FAM234A: variants seen among roughly 807,000 people sequenced by gnomAD.
FAM234A encodes family with sequence similarity 234 member A, also known as protein FAM234A.
In FAM234A, 42 loss-of-function variants were observed where a neutral mutation model predicts 49.1. That is an observed-to-expected ratio of 0.86 (90% CI 0.67 to 1.11). The LOEUF (loss-of-function observed/expected upper bound fraction) is 1.11, where lower values mean the gene tolerates loss of function less well. FAM234A is among the 50% of genes least tolerant of loss of function. The pLI is 0.00. For missense variants in FAM234A, 815 were observed against 745.2 expected, an observed-to-expected ratio of 1.09 and a Z score of -1.09; for synonymous variants, 369 against 316.2, an observed-to-expected ratio of 1.17 and a Z score of -1.77.
In FAM234A at chr16:254,673, G is replaced by A. The variant is rs754546742; in HGVS notation, c.260G>A (p.Ser87Asn). ...ASQRMWRIDY[S>N]AAVIYDFLAV... ...CAGCGAATGTGGAGGATAGACTACA[G>A]TGCCGCTGGTGAGCCTCGGCTTCCC... Residue 87 changes from serine (S) to asparagine (N), a missense_variant, in exon 3 of 13, where the codon AGT (serine) becomes AAT (asparagine). Physicochemically the swap from Ser to Asn is conservative, Grantham distance 46. Transcript: ENST00000399932. 9 of 1,613,110 alleles carry A rather than the reference G, an allele frequency of 5.6e-6. No individual in the cohort carries two copies. In the Admixed American group the frequency reaches 1.5e-4, roughly 27 times the overall value.
downstream of FAM234A, among the ~76,000 whole-genome samples, chr16:266,795 A>G (rs947334709): frequency 1.3e-5 from 2 of 152,088 alleles, no homozygotes; most frequent in Admixed American, 6.5e-5. Context: ...GGCTCTGCGG[A>G]CGCGTCCTAT....
At chr16:258,655 C>T (rs1436550328) in intron 3 of FAM234A, among the ~76,000 whole-genome samples, 8 of 152,228 alleles carry the variant, frequency 5.3e-5, no homozygotes, top group Admixed American at 3.3e-4. Context: ...GGCCCGTTCT[C>T]AATGAGCTGT....
At chr16:269,031 C>T, downstream of FAM234A, 1 of 1,272,154 alleles carries the variant, frequency 7.9e-7, no homozygotes, top group Non-Finnish European at 1.1e-6. Flanking sequence ...CTGACCCAAG[C>T]TGAGCCAATG....
intron 1 of FAM234A, among the ~76,000 whole-genome samples, chr16:241,188 G>A (rs955007196): frequency 9.2e-5 from 14 of 151,672 alleles, no homozygotes; most frequent in Non-Finnish European, 1.6e-4. Flanking sequence ...GTAGCCTCCC[G>A]AAGTTGCTGG....
At chr16:269,928 A>G, downstream of FAM234A, 1 of 243,078 alleles carries the variant, frequency 4.1e-6, no homozygotes, top group Non-Finnish European at 8.0e-6. Flanking sequence ...AAATAAAAAA[A>G]CAAGGTAGGC....
chr16:234,890 ACGCCGCAGGGG>A (rs1216645421), intron 1 of FAM234A, 33 bp downstream of exon 1: 1 of 152,256 alleles, frequency 6.6e-6, no homozygotes, highest in Non-Finnish European at 1.5e-5. Context: ...TCGCGCGTGC[ACGCCGCAGGGG>A]CGCCGCAGGC....
At chr16:264,774 C>G (rs1462616659) in intron 12 of FAM234A, 37 bp from the exon 13 acceptor site, 2 of 1,607,022 alleles carry the variant, frequency 1.2e-6, no homozygotes, top group Non-Finnish European at 1.7e-6. Flanking sequence ...CTGGCTGGTC[C>G]TGAGCCGCCC....
At chr16:257,322 T>C (rs922347686) in intron 3 of FAM234A, among the ~76,000 whole-genome samples, 9 of 138,384 alleles carry the variant, frequency 6.5e-5, no homozygotes, top group African/African-American at 2.4e-4. Context: ...CTCGGCTCAC[T>C]GCAACCTCCA....
rs1279045245 is a variant in FAM234A at position 262,146 on chromosome 16, C to T, written c.762C>T (p.Gly254=). 6.2e-7 allele frequency: 1 copy of T among 1,613,988 alleles called. No individual in the cohort carries two copies. The highest frequency in any genetic ancestry group is 8.5e-7 in the Non-Finnish European group (1 of 1,180,038). Residue 254 remains glycine, a synonymous_variant, in exon 7 of 13, where the codon GGC becomes GGT. Transcript: ENST00000399932. ...GSTGHQIGLR[G]SLGVDGESGF... ...CCGGGCACCAGATTGGCCTCAGAGGCAGCCTTGGTGTGGACGGGGAAAGTG... is the reference window on the plus strand; with the variant it reads ...CCGGGCACCAGATTGGCCTCAGAGGTAGCCTTGGTGTGGACGGGGAAAGTG...
At chr16:250,379 G>A (rs940864013) in intron 2 of FAM234A, among the ~76,000 whole-genome samples, 5 of 149,438 alleles carry the variant, frequency 3.3e-5, no homozygotes, top group Non-Finnish European at 7.4e-5. Context: ...TCTGTTGCTG[G>A]CTTTTTCCCT....
chr16:257,108 A>G (rs2051263584), intron 3 of FAM234A, among the ~76,000 whole-genome samples: 1 of 151,776 alleles, frequency 6.6e-6, no homozygotes, highest in African/African-American at 2.4e-5. Flanking sequence ...CAAACTCCTG[A>G]CCTCAAGTGA....
chr16:269,600 G>T, downstream of FAM234A: 2 of 1,602,154 alleles, frequency 1.2e-6, no homozygotes, highest in Non-Finnish European at 1.7e-6. Context: ...AAGAGACAGC[G>T]TCCAGCCCCT....
chr16:242,706 G>A (rs549251886), intron 1 of FAM234A, among the ~76,000 whole-genome samples: 3 of 149,926 alleles, frequency 2.0e-5, no homozygotes, highest in Non-Finnish European at 4.4e-5. Context: ...TCTGCCCCCC[G>A]GGTTCAAGCG....
At chr16:267,327 C>T (rs1360931128), downstream of FAM234A, among the ~76,000 whole-genome samples, 1 of 152,090 alleles carries the variant, frequency 6.6e-6, no homozygotes, top group Non-Finnish European at 1.5e-5. Context: ...CTCCCAAAGA[C>T]CAGATGCCCC....
chr16:264,525 T>C (rs967377056), intron 11 of FAM234A, 89 bp from the exon 12 acceptor site: 24 of 921,570 alleles, frequency 2.6e-5, no homozygotes, highest in Non-Finnish European at 4.0e-5. Context: ...CTAGCAGACA[T>C]AGAGCTCCAG....
intron 6 of FAM234A, among the ~76,000 whole-genome samples, 185 bp from the exon 7 acceptor site, chr16:261,908 C>T (rs930052400): frequency 1.3e-5 from 2 of 152,206 alleles, no homozygotes; most frequent in Non-Finnish European, 2.9e-5. Context: ...AACCAAGAGC[C>T]TGTGGGCCCC....
intron 3 of FAM234A, among the ~76,000 whole-genome samples, chr16:258,590 A>C (rs555101787): frequency 6.6e-6 from 1 of 152,156 alleles, no homozygotes; most frequent in African/African-American, 2.4e-5. Context: ...CGATTTCTCA[A>C]TCTTTTCCCC....
intron 1 of FAM234A, among the ~76,000 whole-genome samples, chr16:241,561 C>T (rs1259742763): frequency 6.6e-6 from 1 of 151,718 alleles, no homozygotes; most frequent in African/African-American, 2.4e-5. Context: ...TTCATTCCAG[C>T]CTGGGCAACA....
At chr16:237,361 G>T (rs1421788725) in intron 1 of FAM234A, among the ~76,000 whole-genome samples, 4 of 152,164 alleles carry the variant, frequency 2.6e-5, no homozygotes, top group African/African-American at 4.8e-5. Context: ...TTATCTGGGT[G>T]ATTATGACTT....
Sources: allele counts gnomAD v4.1 joint callset (sites outside exome capture counted in the v4.1 genomes callset), GRCh38; gene constraint gnomAD v4.1.1; transcripts MANE v1.5; gene names NCBI Gene and HGNC (gene_info 2026-07-23, HGNC 2026-07-21).